The following KIF21A variants were observed in gnomAD, a reference collection of about 807,000 sequenced individuals.
KIF21A encodes kinesin family member 21A, also known as kinesin-like protein KIF21A.
KIF21A carries 114 observed loss-of-function variants against 202.9 expected under a neutral mutation model. That is an observed-to-expected ratio of 0.56 (90% CI 0.48 to 0.66). KIF21A has a LOEUF of 0.66. Among genes scored for constraint, KIF21A ranks in the 30% least tolerant of loss-of-function variants. The pLI is 0.00. For synonymous variants in KIF21A, 667 were observed against 670.8 expected (o/e 0.99, Z 0.09); for missense variants, 1,677 against 1,994.9 (o/e 0.84, Z 3.04).
At chr12:39,347,107 T>C (rs932183989) in intron 11 of KIF21A, among the ~76,000 whole-genome samples, 5 of 152,006 alleles carry the variant, frequency 3.3e-5, no homozygotes, top group Non-Finnish European at 5.9e-5. Context: ...CAAATGAATA[T>C]GGTTGTTATG....
intron 30 of KIF21A, 30 bp from the exon 31 acceptor site, chr12:39,315,270 A>C: frequency 6.2e-7 from 1 of 1,604,470 alleles, no homozygotes; most frequent in Non-Finnish European, 8.5e-7. Context: ...ATGGCCATAA[A>C]ACAAGGAAAA....
At chr12:39,360,976 C>A (rs990002616) in intron 7 of KIF21A, among the ~76,000 whole-genome samples, 1 of 152,128 alleles carries the variant, frequency 6.6e-6, no homozygotes, top group Non-Finnish European at 1.5e-5. Flanking sequence ...GGAATGCAAT[C>A]CTAAAATTTT....
chr12:39,337,332 G>A (rs534660322), intron 16 of KIF21A, 129 bp from the exon 17 acceptor site: 50 of 676,130 alleles, frequency 7.4e-5, no homozygotes, highest in South Asian at 5.1e-4. Context: ...TTTGCTGCAC[G>A]TTTAAAGTGG....
chr12:39,399,221 T>G (rs886478587), intron 1 of KIF21A, among the ~76,000 whole-genome samples: 6 of 152,230 alleles, frequency 3.9e-5, no homozygotes, highest in Non-Finnish European at 8.8e-5. Flanking sequence ...ATTATTTACA[T>G]AGCATTTATA....
intron 6 of KIF21A, among the ~76,000 whole-genome samples, chr12:39,365,621 T>TAA (rs59962555): frequency 2.6e-5 from 4 of 152,186 alleles, no homozygotes; most frequent in South Asian, 2.1e-4. Context: ...CAATCATTAC[T>TAA]AAAAAAAATT....
At chr12:39,311,309 G>A (rs544091460) in intron 32 of KIF21A, 108 bp downstream of exon 32, 45 of 1,010,128 alleles carry the variant, frequency 4.5e-5, no homozygotes, top group African/African-American at 3.3e-5. Flanking sequence ...CAGATTATCC[G>A]ATTCTTTCTG....
intron 17 of KIF21A, among the ~76,000 whole-genome samples, chr12:39,335,668 A>T (rs1240860274): frequency 2.6e-5 from 4 of 152,220 alleles, no homozygotes; most frequent in Non-Finnish European, 5.9e-5. Flanking sequence ...AAATTTTAGG[A>T]TAAGTTAATT....
intron 11 of KIF21A, among the ~76,000 whole-genome samples, chr12:39,347,237 A>C (rs1947976096): frequency 6.9e-6 from 1 of 144,354 alleles, no homozygotes; most frequent in Non-Finnish European, 1.5e-5. Flanking sequence ...CAACAGTGGC[A>C]AAAAAAAAAG....
At chr12:39,327,330 GACTC>G (rs1946051343) in intron 24 of KIF21A, among the ~76,000 whole-genome samples, 1 of 152,042 alleles carries the variant, frequency 6.6e-6, no homozygotes, top group Admixed American at 6.5e-5. Flanking sequence ...TCATATCTAG[GACTC>G]ACTCAAAGGG....
Position 39,375,804 on chromosome 12 carries a change from A to G in KIF21A, c.45-5543T>C, listed in dbSNP as rs546771429. 7.2e-4 allele frequency among the ~76,000 whole-genome samples: 109 copies of G among 152,248 alleles called. 1 individual carries two copies. Among genetic ancestry groups the G allele is most frequent in the African/African-American group, 2.6e-3 (106 of 41,558 alleles). Reference sequence around the variant, plus strand: ...AGTCCCTTCACAGGCCTTAATACATACTAGCGACCTTTGGCAAGTCACTCT... The same window carrying G: ...AGTCCCTTCACAGGCCTTAATACATGCTAGCGACCTTTGGCAAGTCACTCT... On this transcript the variant is annotated intron_variant, in intron 1 of 37. Transcript: ENST00000361418.
At chr12:39,334,217 A>AAAG (rs1436374276) in intron 17 of KIF21A, among the ~76,000 whole-genome samples, 10 of 149,856 alleles carry the variant, frequency 6.7e-5, no homozygotes, top group South Asian at 2.1e-4. Flanking sequence ...AAAAAAAAAA[A>AAAG]AAAGAAAGAA....
chr12:39,407,899 A>G (rs1336607658), intron 1 of KIF21A, among the ~76,000 whole-genome samples: 1 of 149,232 alleles, frequency 6.7e-6, no homozygotes, highest in East Asian at 1.9e-4. Context: ...TATATTTAGC[A>G]TATAAATATA....
intron 1 of KIF21A, among the ~76,000 whole-genome samples, chr12:39,441,251 C>G (rs932037803): frequency 1.3e-5 from 2 of 152,116 alleles, no homozygotes; most frequent in African/African-American, 4.8e-5. Context: ...TTAGGGTCAT[C>G]CATGGCTCTA....
Position 39,294,410 on chromosome 12 carries a change from A to G in KIF21A, c.*14T>C. 3.4e-6 allele frequency: 5 copies of G among 1,476,210 alleles called. No homozygotes were observed. Among genetic ancestry groups the G allele is most frequent in the Non-Finnish European group, 3.8e-6 (4 of 1,054,346 alleles). The allele number at this position is 1,476,210 out of a possible 1,614,324, so 91.4% of individuals were successfully genotyped here. On this transcript the variant is annotated 3_prime_UTR_variant, in exon 38 of 38. Coordinates refer to ENST00000361418, the MANE Select transcript of KIF21A (RefSeq NM_001173464.2). ...TATCACAGCATTCAGTTTACAACCTATCTTCATTCATGTTTAATTACTGGC... is the reference window on the plus strand; with the variant it reads ...TATCACAGCATTCAGTTTACAACCTGTCTTCATTCATGTTTAATTACTGGC...
At chr12:39,302,863 T>A (rs1943096672) in intron 36 of KIF21A, 102 bp downstream of exon 36, 1 of 1,018,438 alleles carries the variant, frequency 9.8e-7, no homozygotes, top group East Asian at 2.4e-5. Context: ...TAATATTATC[T>A]GTAAATGATA....
chr12:39,416,738 TATATATATATGTAC>T (rs1232967947), intron 1 of KIF21A, among the ~76,000 whole-genome samples: 3 of 71,630 alleles, frequency 4.2e-5, no homozygotes, highest in Non-Finnish European at 7.2e-5. Flanking sequence ...TATATATGTG[TATATATATATGTAC>T]ATATATATGT....
chr12:39,368,671 C>T (rs1949762829), intron 3 of KIF21A, among the ~76,000 whole-genome samples: 1 of 151,644 alleles, frequency 6.6e-6, no homozygotes, highest in African/African-American at 2.4e-5. Flanking sequence ...ATTTACTTTC[C>T]TTAGGAATAC....
At chr12:39,330,673 G>T in intron 23 of KIF21A, 73 bp downstream of exon 23, 1 of 1,277,252 alleles carries the variant, frequency 7.8e-7, no homozygotes, top group Non-Finnish European at 1.1e-6. Context: ...TAGGGGAAAG[G>T]GATATACTAT....
At chr12:39,383,599 G>C (rs534336720) in intron 1 of KIF21A, among the ~76,000 whole-genome samples, 26 of 152,112 alleles carry the variant, frequency 1.7e-4, no homozygotes, top group Non-Finnish European at 2.8e-4. Flanking sequence ...CTGACAACTG[G>C]GAATTTATAA....
Sources: gnomAD v4.1 joint callset for allele counts (sites outside exome capture counted in the v4.1 genomes callset) on GRCh38, gnomAD v4.1.1 for gene constraint, MANE v1.5 for transcripts, NCBI Gene and HGNC (gene_info 2026-07-23, HGNC 2026-07-21) for gene names.